Variants in CENPP observed in about 807,000 individuals in gnomAD.
CENPP encodes the protein centromere protein P.
A neutral mutation model predicts 35.6 loss-of-function variants in CENPP; 24 were observed. The observed-to-expected ratio is 0.67, with a 90% CI of 0.49 to 0.95. CENPP has a LOEUF of 0.95. Ranked by LOEUF, CENPP falls within the 40% of genes least tolerant of loss-of-function variation. The pLI, the probability that CENPP is intolerant of heterozygous loss-of-function variation, is 0.00. For missense variants in CENPP, 332 were observed against 345.3 expected (o/e 0.96, Z 0.31); for synonymous variants, 120 against 125.5 (o/e 0.96, Z 0.29).
intron 5 of CENPP, among the ~76,000 whole-genome samples, chr9:92,583,085 G>A (rs963223743): frequency 2.0e-5 from 3 of 152,090 alleles, no homozygotes; most frequent in Non-Finnish European, 2.9e-5. Context: ...ACTGGTGGTC[G>A]GATTCTCAAT....
chr9:92,388,048 G>C (rs1022116411), intron 5 of CENPP, among the ~76,000 whole-genome samples: 1 of 152,126 alleles, frequency 6.6e-6, no homozygotes, highest in African/African-American at 2.4e-5. Context: ...ACAGGCATGA[G>C]CCACCGTGCC....
chr9:92,521,833 T>C (rs1379619160), intron 5 of CENPP, among the ~76,000 whole-genome samples: 2 of 152,188 alleles, frequency 1.3e-5, no homozygotes, highest in Admixed American at 6.5e-5. Flanking sequence ...ATCATCTGAA[T>C]AATTTATTTC....
chr9:92,474,742 CTCATCATCATCATCATCATCATCA>C (rs3078372), intron 5 of CENPP: 134 of 1,534,632 alleles, frequency 8.7e-5, no homozygotes, highest in Non-Finnish European at 1.2e-4. Context: ...GAGAGTTGTC[CTCATCATCATCATCATCATCATCA>C]TCATCATCAT....
chr9:92,391,702 G>A (rs894180315), intron 5 of CENPP, among the ~76,000 whole-genome samples: 2 of 152,142 alleles, frequency 1.3e-5, no homozygotes, highest in Non-Finnish European at 2.9e-5. Context: ...TGTGAACAGG[G>A]CATTTATTTA....
At chr9:92,457,094 C>G in intron 5 of CENPP, 2 of 1,367,698 alleles carry the variant, frequency 1.5e-6, no homozygotes, top group Non-Finnish European at 9.4e-7. Context: ...GCTTGTTTCT[C>G]TCAACCCTTA....
chr9:92,342,722 T>C (rs1197702680), intron 3 of CENPP, among the ~76,000 whole-genome samples: 2 of 152,248 alleles, frequency 1.3e-5, no homozygotes, highest in African/African-American at 4.8e-5. Flanking sequence ...AACAAAGGAC[T>C]ATCTCGTTTC....
At chr9:92,572,437 A>G (rs2131356414) in intron 5 of CENPP, among the ~76,000 whole-genome samples, 1 of 152,300 alleles carries the variant, frequency 6.6e-6, no homozygotes, top group African/African-American at 2.4e-5. Flanking sequence ...TCTTGCTTGT[A>G]GAGTTTCTGC....
At chr9:92,594,685 T>TA (rs751037987) in intron 5 of CENPP, among the ~76,000 whole-genome samples, 9 of 152,086 alleles carry the variant, frequency 5.9e-5, no homozygotes, top group Non-Finnish European at 1.2e-4. Context: ...CCAGGCATGG[T>TA]AGCTCACACC....
At chr9:92,558,475 A>C (rs1393315133) in intron 5 of CENPP, among the ~76,000 whole-genome samples, 1 of 152,100 alleles carries the variant, frequency 6.6e-6, no homozygotes, top group Non-Finnish European at 1.5e-5. Context: ...GTCTGTACAG[A>C]GTCTTGTGAT....
chr9:92,327,155 C>T (rs1486921741), intron 1 of CENPP, among the ~76,000 whole-genome samples: 1 of 152,234 alleles, frequency 6.6e-6, no homozygotes. Flanking sequence ...TAAAAAAATA[C>T]ACTGCCCTAA....
intron 5 of CENPP, among the ~76,000 whole-genome samples, chr9:92,504,263 A>T (rs1846858095): frequency 6.6e-6 from 1 of 152,246 alleles, no homozygotes; most frequent in South Asian, 2.1e-4. Flanking sequence ...AAGCCAGCCT[A>T]CTGATAAATG....
chr9:92,443,728 C>T (rs1332454497), intron 5 of CENPP, among the ~76,000 whole-genome samples: 5 of 151,840 alleles, frequency 3.3e-5, no homozygotes, highest in African/African-American at 7.3e-5. Context: ...GGCGCAATCT[C>T]GGCTCACTGC....
rs1395454376 is a variant in CENPP, at chr9:92,613,498, T to G, written c.*349T>G. ...ACCTTGGACATGGTGGCCACATTAC[T>G]CAGCTGGGAGAAGCCACCCTTATCC... On this transcript the variant is annotated 3_prime_UTR_variant, in exon 8 of 8. Coordinates refer to ENST00000375587, the MANE Select transcript of CENPP (RefSeq NM_001012267.3). 1.1e-5 allele frequency: 3 copies of G among 265,760 alleles called. No homozygotes were observed. The highest frequency in any genetic ancestry group is 4.4e-5 in the African/African-American group (2 of 45,156). 16.5% of individuals were successfully genotyped at this position (265,760 alleles called of 1,614,324 possible).
At chr9:92,381,897 C>CTTTTTTTTT (rs79507211) in intron 5 of CENPP, among the ~76,000 whole-genome samples, 1 of 133,702 alleles carries the variant, frequency 7.5e-6, no homozygotes, top group African/African-American at 2.8e-5. Context: ...TTATTTTCTG[C>CTTTTTTTTT]TTTTTTTTTT....
At chr9:92,535,964 G>A (rs1158179801) in intron 5 of CENPP, 1 of 508,606 alleles carries the variant, frequency 2.0e-6, no homozygotes, top group South Asian at 1.5e-5. Flanking sequence ...GCTTTGCTTG[G>A]TGTCATTTAA....
chr9:92,475,562 A>G (rs537355334), intron 5 of CENPP, among the ~76,000 whole-genome samples: 1 of 152,342 alleles, frequency 6.6e-6, no homozygotes, highest in South Asian at 2.1e-4. Flanking sequence ...GAAACAGATT[A>G]TCTTACCTAA....
chr9:92,459,190 A>T (rs558158524), intron 5 of CENPP, among the ~76,000 whole-genome samples: 1 of 152,318 alleles, frequency 6.6e-6, no homozygotes, highest in Admixed American at 6.5e-5. Flanking sequence ...TTAAAAAAAA[A>T]TATACATGTC....
At chr9:92,522,992 G>T in intron 5 of CENPP, 1 of 1,128,992 alleles carries the variant, frequency 8.9e-7, no homozygotes, top group Non-Finnish European at 1.2e-6. Context: ...GCAAGTCTTT[G>T]AGAAATTACA....
At chr9:92,508,770 G>T (rs1307057093) in intron 5 of CENPP, among the ~76,000 whole-genome samples, 1 of 152,082 alleles carries the variant, frequency 6.6e-6, no homozygotes, top group Admixed American at 6.5e-5. Context: ...TACCAGAAGT[G>T]TTTTGTTCCT....
Sources: allele counts gnomAD v4.1 joint callset (sites outside exome capture counted in the v4.1 genomes callset), GRCh38; gene constraint gnomAD v4.1.1; transcripts MANE v1.5; gene names NCBI Gene and HGNC (gene_info 2026-07-23, HGNC 2026-07-21).